The following ACYP2 variants were observed in gnomAD, a reference collection of about 807,000 sequenced individuals.
ACYP2 encodes acylphosphatase-2.
Under a neutral mutation model 11.2 loss-of-function variants are expected in ACYP2, and 12 were observed. That is an observed-to-expected ratio of 1.08 (90% CI 0.69 to 1.74). The LOEUF is 1.74. Among genes scored for constraint, ACYP2 ranks in the 40% most tolerant of loss-of-function variants. The pLI is 0.00. For missense variants in ACYP2, 134 were observed against 101.9 expected, an observed-to-expected ratio of 1.31 and a Z score of -1.35; for synonymous variants, 43 against 32.2, an observed-to-expected ratio of 1.33 and a Z score of -1.13.
At chr2:54,062,679 G>C (rs917612696) in intron 4 of ACYP2, among the ~76,000 whole-genome samples, 6 of 152,210 alleles carry the variant, frequency 3.9e-5, no homozygotes, top group African/African-American at 1.4e-4. Flanking sequence ...CATGAAGCCT[G>C]ATTAAGTTAG....
At chr2:54,202,387 A>T (rs947631238) in intron 6 of ACYP2, among the ~76,000 whole-genome samples, 9 of 140,686 alleles carry the variant, frequency 6.4e-5, no homozygotes, top group African/African-American at 2.4e-4. Flanking sequence ...GATTACAGGC[A>T]TGAGCCACTG....
chr2:54,193,165 A>T (rs1411560147), intron 6 of ACYP2, among the ~76,000 whole-genome samples: 1 of 152,182 alleles, frequency 6.6e-6, no homozygotes, highest in Non-Finnish European at 1.5e-5. Context: ...TGAAGTGTTA[A>T]CTGTCCTTTT....
chr2:54,088,497 C>T lies in ACYP2; in HGVS notation c.277+31137C>T, dbSNP rs551022765. ...TGCGAGCACAAAGCCTCTTACTCTGCCCTCTCCATCTCCTCAGCGGGGTCA... is the reference window on the plus strand; with the variant it reads ...TGCGAGCACAAAGCCTCTTACTCTGTCCTCTCCATCTCCTCAGCGGGGTCA... On this transcript the variant is annotated intron_variant, in intron 4 of 6. Transcript: ENST00000607452. Among the ~76,000 whole-genome samples the T allele has an allele frequency of 2.0e-5, 3 of 152,304 alleles. No homozygotes were observed. In the East Asian group the frequency reaches 5.8e-4, roughly 29 times the overall value.
intron 6 of ACYP2, among the ~76,000 whole-genome samples, chr2:54,219,803 G>A (rs1389845837): frequency 3.6e-5 from 5 of 138,628 alleles, no homozygotes; most frequent in Admixed American, 7.4e-5. Flanking sequence ...GTGTGTGTGT[G>A]TGTGTGTTTG....
intron 6 of ACYP2, among the ~76,000 whole-genome samples, chr2:54,284,419 T>C (rs964100801): frequency 5.9e-5 from 9 of 152,208 alleles, no homozygotes; most frequent in African/African-American, 2.2e-4. Flanking sequence ...TCAATTCCAC[T>C]GCTAGAATCT....
At chr2:54,086,068 A>G (rs1202797309) in intron 4 of ACYP2, among the ~76,000 whole-genome samples, 2 of 152,042 alleles carry the variant, frequency 1.3e-5, no homozygotes, top group African/African-American at 4.8e-5. Flanking sequence ...CCCAGCCTCC[A>G]GAGTAGCTGG....
At chr2:53,986,342 CTT>C (rs61669504) in intron 2 of ACYP2, among the ~76,000 whole-genome samples, 153 of 142,380 alleles carry the variant, frequency 1.1e-3, no homozygotes, top group Admixed American at 1.6e-3. Flanking sequence ...AAGTAAACCT[CTT>C]TTTTTTTTTT....
At chr2:54,114,700 A>G (rs1679653445) in intron 4 of ACYP2, among the ~76,000 whole-genome samples, 1 of 152,214 alleles carries the variant, frequency 6.6e-6, no homozygotes, top group African/African-American at 2.4e-5. Flanking sequence ...AACAGCAACA[A>G]ACCCACACCA....
intron 4 of ACYP2, among the ~76,000 whole-genome samples, chr2:54,072,451 AT>A (rs1558508713): frequency 1.3e-5 from 2 of 149,866 alleles, no homozygotes; most frequent in African/African-American, 4.9e-5. Context: ...ACCTTTTGAA[AT>A]TCTTTCTTTC....
intron 4 of ACYP2, among the ~76,000 whole-genome samples, chr2:54,103,743 G>A (rs999079289): frequency 6.6e-6 from 1 of 152,304 alleles, no homozygotes; most frequent in Middle Eastern, 3.4e-3. Context: ...AAAGTGAATA[G>A]GAAATATTAG....
intron 6 of ACYP2, among the ~76,000 whole-genome samples, chr2:54,144,635 C>T (rs895735834): frequency 4.7e-5 from 7 of 150,242 alleles, no homozygotes; most frequent in Non-Finnish European, 8.8e-5. Flanking sequence ...GATCATGCCA[C>T]TGCACTCTAG....
rs766654025 is a variant in ACYP2 at position 54,120,823 on chromosome 2, A to G, written c.278-14630A>G. Among the ~76,000 whole-genome samples the G allele has an allele frequency of 2.0e-5, 3 of 152,158 alleles. No individual in the cohort carries two copies. In the East Asian group the frequency reaches 5.8e-4, roughly 29 times the overall value. ...GATGAGGGGGATGTGGCAGTGCCCA[A>G]TAACTTGGAGATGCCAGCAACCACA... is the stretch of plus-strand genomic sequence containing the variant. On this transcript the variant is annotated intron_variant, in intron 4 of 6. Coordinates refer to ENST00000607452, the MANE Select transcript of ACYP2 (RefSeq NM_001320586.2).
In ACYP2 at chr2:54,114,380, C is replaced by CAAAA. The variant is rs58390248; in HGVS notation, c.278-21055_278-21052dup. Among the ~76,000 whole-genome samples, 22 of 104,364 alleles carry CAAAA rather than the reference C, an allele frequency of 2.1e-4. 1 individual carries two copies. The highest frequency in any genetic ancestry group is 7.6e-4 in the African/African-American group (21 of 27,614). 68.5% of individuals were successfully genotyped at this position (104,364 alleles called of 152,430 possible). A position where few individuals can be genotyped will look rare whatever the true frequency, so the allele number is the denominator to read the frequency against. On this transcript the variant is annotated intron_variant, in intron 4 of 6. Transcript: ENST00000607452. Reference sequence around the variant, plus strand: ...TGTTGCTGAGAATAATCAAGACAATCAAAAAAAAAAAAAAAAAAAAAGGTC... The same window carrying CAAAA: ...TGTTGCTGAGAATAATCAAGACAATCAAAAAAAAAAAAAAAAAAAAAAAAAGGTC...
intron 6 of ACYP2, among the ~76,000 whole-genome samples, chr2:54,197,694 C>T (rs1468833218): frequency 1.3e-5 from 2 of 151,946 alleles, no homozygotes; most frequent in African/African-American, 4.8e-5. Context: ...GCAAAGGCCC[C>T]GAGGCAGGAA....
intron 6 of ACYP2, among the ~76,000 whole-genome samples, chr2:54,221,711 AG>A (rs1483113522): frequency 6.6e-6 from 1 of 151,616 alleles, no homozygotes; most frequent in Admixed American, 6.6e-5. Context: ...AGTAGAGACA[AG>A]GTTTTCACCA....
intron 4 of ACYP2, among the ~76,000 whole-genome samples, chr2:54,111,838 A>G (rs1237487967): frequency 3.3e-5 from 5 of 152,206 alleles, no homozygotes; most frequent in African/African-American, 1.2e-4. Context: ...CTTAAAATCA[A>G]TCATATCTTA....
At chr2:54,118,324 A>T (rs911241580) in intron 4 of ACYP2, among the ~76,000 whole-genome samples, 2 of 152,246 alleles carry the variant, frequency 1.3e-5, no homozygotes, top group Non-Finnish European at 2.9e-5. Context: ...AGAATGGTCC[A>T]CTAGAGACAA....
intron 6 of ACYP2, among the ~76,000 whole-genome samples, chr2:54,203,431 C>T (rs544716276): frequency 1.6e-4 from 24 of 152,268 alleles, no homozygotes; most frequent in Middle Eastern, 3.4e-3. Context: ...TTTACTTCTT[C>T]CTTTCTAATA....
chr2:54,180,775 C>G (rs1186790980), intron 6 of ACYP2, among the ~76,000 whole-genome samples: 1 of 152,092 alleles, frequency 6.6e-6, no homozygotes, highest in African/African-American at 2.4e-5. Flanking sequence ...AGGTCTGTCT[C>G]GAACTCCTGA....
Sources: gnomAD v4.1 joint callset for allele counts (sites outside exome capture counted in the v4.1 genomes callset) on GRCh38, gnomAD v4.1.1 for gene constraint, MANE v1.5 for transcripts, NCBI Gene and HGNC (gene_info 2026-07-23, HGNC 2026-07-21) for gene names.